AUTS2: variants seen among roughly 807,000 people sequenced by gnomAD.
AUTS2 encodes the protein activator of transcription and developmental regulator AUTS2, also known as autism susceptibility gene 2 protein.
AUTS2 carries 17 observed loss-of-function variants against 112.4 expected under a neutral mutation model. The ratio of observed to expected loss-of-function variants is 0.15; its 90% CI spans 0.10 to 0.23. AUTS2 has a LOEUF of 0.23. Ranked by LOEUF, AUTS2 falls within the 10% of genes least tolerant of loss-of-function variation. The pLI, the probability that AUTS2 is intolerant of heterozygous loss-of-function variation, is 1.00. For synonymous variants in AUTS2, 751 were observed against 702.7 expected (o/e 1.07, Z -1.09); for missense variants, 1,510 against 1,701.6 (o/e 0.89, Z 1.98).
chr7:70,181,729 TC>T (rs1404298962), intron 4 of AUTS2, among the ~76,000 whole-genome samples: 1 of 151,652 alleles, frequency 6.6e-6, no homozygotes, highest in African/African-American at 2.4e-5. Context: ...CCTCAGGTGA[TC>T]CGCCCCCCTC....
intron 5 of AUTS2, among the ~76,000 whole-genome samples, chr7:70,457,408 C>A (rs146672836): frequency 3.9e-5 from 6 of 151,974 alleles, no homozygotes; most frequent in African/African-American, 1.5e-4. Context: ...ACCTCAGACA[C>A]GTCCTCTCTC....
chr7:70,211,463 C>G (rs1584881878), intron 4 of AUTS2, among the ~76,000 whole-genome samples: 2 of 150,820 alleles, frequency 1.3e-5, no homozygotes, highest in Admixed American at 1.3e-4. Context: ...TCCTGATTAA[C>G]ATGGTGAAAC....
chr7:69,716,754 A>G (rs544628021), intron 1 of AUTS2, among the ~76,000 whole-genome samples: 2 of 152,218 alleles, frequency 1.3e-5, no homozygotes, highest in South Asian at 4.2e-4. Flanking sequence ...CCAACCAGCT[A>G]TTAATCGGGG....
At chr7:69,849,529 CCCTCCACTGTCTTA>C (rs1428029451) in intron 1 of AUTS2, among the ~76,000 whole-genome samples, 2 of 152,046 alleles carry the variant, frequency 1.3e-5, no homozygotes, top group Non-Finnish European at 2.9e-5. Context: ...CCCTATCCTC[CCCTCCACTGTCTTA>C]CCTCCTGGCA....
chr7:70,098,359 A>C (rs1804306860), intron 2 of AUTS2, among the ~76,000 whole-genome samples: 1 of 152,258 alleles, frequency 6.6e-6, no homozygotes, highest in Non-Finnish European at 1.5e-5. Context: ...GCAAATTAAA[A>C]ATTTATAAGT....
chr7:70,665,867 A>G (rs1167912526), intron 5 of AUTS2, among the ~76,000 whole-genome samples: 1 of 152,226 alleles, frequency 6.6e-6, no homozygotes, highest in African/African-American at 2.4e-5. Flanking sequence ...CCTGGAACCA[A>G]TTCTTCACAT....
At chr7:70,520,434 G>A (rs1799596970) in intron 5 of AUTS2, among the ~76,000 whole-genome samples, 2 of 152,010 alleles carry the variant, frequency 1.3e-5, no homozygotes, top group South Asian at 4.2e-4. Context: ...CTTTCTCTGG[G>A]CCTCTGCTTT....
Position 70,214,662 on chromosome 7 carries a change from C to T in AUTS2, c.660+80091C>T, listed in dbSNP as rs1369618199. ...TCTAATGTGTAAAAATTATGTGTAGCGTGTCACTAGTACCTTTTTTTAAAT... is the reference window on the plus strand; with the variant it reads ...TCTAATGTGTAAAAATTATGTGTAGTGTGTCACTAGTACCTTTTTTTAAAT... On this transcript the variant is annotated intron_variant, in intron 4 of 18. Transcript: ENST00000342771. Among the ~76,000 whole-genome samples the T allele has an allele frequency of 2.0e-5, 3 of 152,274 alleles. No individual in the cohort carries two copies. The East Asian group carries it at 5.8e-4, about 29-fold the overall frequency.
intron 4 of AUTS2, among the ~76,000 whole-genome samples, chr7:70,417,148 T>A (rs1469353604): frequency 6.6e-6 from 1 of 152,156 alleles, no homozygotes; most frequent in Non-Finnish European, 1.5e-5. Context: ...GCCAACACAT[T>A]TCCAATGATT....
intron 2 of AUTS2, among the ~76,000 whole-genome samples, chr7:70,095,276 G>T (rs762845201): frequency 2.6e-5 from 4 of 152,158 alleles, no homozygotes; most frequent in Middle Eastern, 3.4e-3. Context: ...GTGTGTGTGC[G>T]TGCGTGCGCT....
intron 1 of AUTS2, among the ~76,000 whole-genome samples, chr7:69,710,063 C>A (rs751169730): frequency 6.6e-6 from 1 of 152,084 alleles, no homozygotes; most frequent in Non-Finnish European, 1.5e-5. Flanking sequence ...TGATGGCCAG[C>A]CCTCTAAATT....
At chr7:70,053,419 A>T (rs527711294) in intron 2 of AUTS2, among the ~76,000 whole-genome samples, 1 of 152,338 alleles carries the variant, frequency 6.6e-6, no homozygotes, top group South Asian at 2.1e-4. Flanking sequence ...CCAGGCACCA[A>T]AGTGAATAAT....
At chr7:70,685,247 T>C (rs1370015367) in intron 5 of AUTS2, among the ~76,000 whole-genome samples, 1 of 151,674 alleles carries the variant, frequency 6.6e-6, no homozygotes, top group Non-Finnish European at 1.5e-5. Context: ...CTGAGGTAGG[T>C]GGATCACTTG....
intron 13 of AUTS2, 48 bp from the exon 14 acceptor site, chr7:70,777,055 T>G (rs1790750341): frequency 3.2e-6 from 5 of 1,582,876 alleles, no homozygotes; most frequent in Non-Finnish European, 3.5e-6. Flanking sequence ...GAAGGTGGTT[T>G]TCTCTGAAAT....
intron 5 of AUTS2, among the ~76,000 whole-genome samples, chr7:70,697,422 A>G (rs1168229388): frequency 6.6e-6 from 1 of 152,182 alleles, no homozygotes; most frequent in East Asian, 1.9e-4. Flanking sequence ...TATCACTTGC[A>G]TTGAGAACTA....
chr7:69,916,571 A>G (rs188512686), intron 2 of AUTS2, among the ~76,000 whole-genome samples: 109 of 152,272 alleles, frequency 7.2e-4, no homozygotes, highest in Non-Finnish European at 1.3e-3. Context: ...TTTGAAATCT[A>G]TAATGGTGGT....
intron 4 of AUTS2, among the ~76,000 whole-genome samples, chr7:70,431,182 T>G (rs184614809): frequency 6.6e-6 from 1 of 152,214 alleles, no homozygotes; most frequent in African/African-American, 2.4e-5. Context: ...ATTTTACTGA[T>G]TAAACTGAAA....
chr7:70,321,433 T>A (rs970081470), intron 4 of AUTS2, among the ~76,000 whole-genome samples: 7 of 152,222 alleles, frequency 4.6e-5, no homozygotes, highest in African/African-American at 1.7e-4. Context: ...ATTATAAATG[T>A]TGGCAGTGTT....
At chr7:69,835,906 G>A (rs1013903687) in intron 1 of AUTS2, among the ~76,000 whole-genome samples, 1 of 152,188 alleles carries the variant, frequency 6.6e-6, no homozygotes, top group African/African-American at 2.4e-5. Context: ...AGAGGGTGAA[G>A]AGGTTTGACA....
Sources: gnomAD v4.1 joint callset for allele counts (sites outside exome capture counted in the v4.1 genomes callset) on GRCh38, gnomAD v4.1.1 for gene constraint, MANE v1.5 for transcripts, NCBI Gene and HGNC (gene_info 2026-07-23, HGNC 2026-07-21) for gene names.